PFKP: variants seen among roughly 807,000 people sequenced by gnomAD.
PFKP encodes the protein ATP-dependent 6-phosphofructokinase, platelet type.
A neutral mutation model predicts 94.3 loss-of-function variants in PFKP; 101 were observed. The observed-to-expected ratio is 1.07, with a 90% CI of 0.91 to 1.26. The LOEUF is 1.26. PFKP is among the 50% of genes most tolerant of loss of function. The pLI is 0.00. For missense variants in PFKP, 1,145 were observed against 1,103.3 expected, an observed-to-expected ratio of 1.04 and a Z score of -0.53; for synonymous variants, 573 against 432.6, an observed-to-expected ratio of 1.32 and a Z score of -4.03.
At chr10:3,073,742 G>A (rs76235260) in intron 1 of PFKP, among the ~76,000 whole-genome samples, 2 of 149,498 alleles carry the variant, frequency 1.3e-5, no homozygotes, top group Non-Finnish European at 1.5e-5. Context: ...AGGGTGGCAT[G>A]CAGTAGCCTC....
At chr10:3,110,695 C>T (rs74472027) in intron 10 of PFKP, among the ~76,000 whole-genome samples, 2,448 of 151,966 alleles carry the variant, frequency 0.016, 63 homozygotes, top group African/African-American at 0.056. Context: ...TGAGTGTGTG[C>T]GCAGGCTTGT....
chr10:3,094,774 G>T (rs1834344751), intron 2 of PFKP, among the ~76,000 whole-genome samples: 1 of 152,174 alleles, frequency 6.6e-6, no homozygotes. Context: ...CTGCATGCAT[G>T]CTCTGAATTC....
rs1834767002 is a variant in PFKP, at chr10:3,099,367, G to GC, written c.264+16dup. The GC allele has an allele frequency of 3.1e-6, 5 of 1,601,568 alleles. No homozygotes were observed. In the South Asian group the frequency reaches 4.4e-5, roughly 14 times the overall value. ...TCCTGCAAGTGGTAGGTACTGGGCTGCGTCCACAGGGTTCTCTGAGTTAGA... is the reference window on the plus strand; with the variant it reads ...TCCTGCAAGTGGTAGGTACTGGGCTGCCGTCCACAGGGTTCTCTGAGTTAGA... On this transcript the variant is annotated intron_variant, in intron 3 of 21. Transcript: ENST00000381125.
At chr10:3,070,082 G>A (rs1436880684) in intron 1 of PFKP, among the ~76,000 whole-genome samples, 1 of 152,234 alleles carries the variant, frequency 6.6e-6, no homozygotes, top group Non-Finnish European at 1.5e-5. Flanking sequence ...GAGCCCACAT[G>A]GGTCACACCT....
chr10:3,111,387 A>T (rs929028619), intron 10 of PFKP, among the ~76,000 whole-genome samples: 1 of 152,178 alleles, frequency 6.6e-6, no homozygotes, highest in African/African-American at 2.4e-5. Context: ...TGTGAGAGGC[A>T]GTAGGCTTAA....
rs76887485 is a variant in PFKP at position 3,136,537 on chromosome 10, G to A, written c.2313G>A (p.Ser771=). 2,478 of 1,613,558 alleles carry A rather than the reference G, an allele frequency of 1.5e-3. 15 individuals are homozygous for A. The highest frequency in any genetic ancestry group is 0.012 in the Admixed American group (730 of 59,966). The part of the protein sequence containing the change: ...LAKYKASYDV[S]DSGQLEHVQP... ...AGTACAAGGCCAGCTATGACGTGTC[G>A]GACTCAGGCCAGCTGGAACATGTGC... The change falls in exon 22 of 22, where the codon TCG becomes TCA. Residue 771 remains serine (S), a synonymous_variant. Coordinates refer to ENST00000381125, the MANE Select transcript of PFKP (RefSeq NM_002627.5).
At position 3,067,610 on chromosome 10, in the gene PFKP, C is replaced by T. The variant is rs1157664397; in HGVS notation, c.15C>T (p.Asp5=). 3 of 1,528,654 alleles carry T rather than the reference C, an allele frequency of 2.0e-6. No individual in the cohort carries two copies. The highest frequency in any genetic ancestry group is 1.8e-6 in the Non-Finnish European group (2 of 1,137,016). 94.7% of individuals were successfully genotyped at this position (1,528,654 alleles called of 1,614,324 possible). A position where few individuals can be genotyped will look rare whatever the true frequency, so the allele number is the denominator to read the frequency against. ...GCCTCCTCGCCATGGACGCGGACGACTCCCGGGCCCCCAAGGGCTCCTTGC... is the reference window on the plus strand; with the variant it reads ...GCCTCCTCGCCATGGACGCGGACGATTCCCGGGCCCCCAAGGGCTCCTTGC... MDAD[D]SRAPKGSLRK... is the part of the protein sequence containing the mutation. Residue 5 remains aspartate (D), a synonymous_variant, in exon 1 of 22, where the codon GAC becomes GAT. Coordinates refer to ENST00000381125, the MANE Select transcript of PFKP (RefSeq NM_002627.5).
chr10:3,105,089 C>T (rs1835403227), intron 5 of PFKP, 26 bp from the exon 6 acceptor site: 8 of 1,611,860 alleles, frequency 5.0e-6, no homozygotes, highest in East Asian at 2.2e-5. Flanking sequence ...GAGCTGTGTC[C>T]GGGGCTCCCT....
chr10:3,133,723 G>A (rs866998308), intron 19 of PFKP, among the ~76,000 whole-genome samples: 2 of 152,208 alleles, frequency 1.3e-5, no homozygotes, highest in Non-Finnish European at 2.9e-5. Context: ...GAGCCACTGT[G>A]CCCAGCCAAA....
intron 10 of PFKP, among the ~76,000 whole-genome samples, chr10:3,111,596 C>CT (rs761531782): frequency 9.9e-5 from 15 of 152,074 alleles, no homozygotes; most frequent in Non-Finnish European, 1.5e-4. Flanking sequence ...GTCTGACATG[C>CT]TTGAATAACC....
At chr10:3,092,903 A>G (rs112415079) in intron 2 of PFKP, among the ~76,000 whole-genome samples, 108 of 151,806 alleles carry the variant, frequency 7.1e-4, no homozygotes, top group Non-Finnish European at 7.4e-4. Flanking sequence ...AATCTGGAGG[A>G]TGCCTGAGCT....
chr10:3,132,810 T>A (rs989105497), intron 18 of PFKP, among the ~76,000 whole-genome samples: 4 of 152,116 alleles, frequency 2.6e-5, no homozygotes, highest in African/African-American at 9.7e-5. Flanking sequence ...TACACGAGGT[T>A]GCTTCCATCT....
intron 5 of PFKP, 31 bp downstream of exon 5, chr10:3,103,975 CA>C: frequency 6.2e-7 from 1 of 1,605,210 alleles, no homozygotes; most frequent in African/African-American, 1.3e-5. Context: ...GGCGGGAGGC[CA>C]GTGGGGCCCG....
At chr10:3,134,916 T>C (rs762266125) in intron 20 of PFKP, among the ~76,000 whole-genome samples, 1 of 152,240 alleles carries the variant, frequency 6.6e-6, no homozygotes, top group Admixed American at 6.5e-5. Context: ...TTTTGAATGT[T>C]TGCTAGGACA....
intron 16 of PFKP, 97 bp from the exon 17 acceptor site, chr10:3,129,722 T>G: frequency 7.8e-6 from 10 of 1,283,768 alleles, no homozygotes; most frequent in Non-Finnish European, 8.8e-6. Context: ...TTGGGCGCGG[T>G]GGGGGGGCCT....
intron 2 of PFKP, among the ~76,000 whole-genome samples, chr10:3,082,988 G>A (rs879497191): frequency 1.3e-5 from 2 of 152,182 alleles, no homozygotes; most frequent in African/African-American, 4.8e-5. Context: ...TGGTATTACA[G>A]GTGTGAGCCA....
chr10:3,113,337 CG>C, intron 12 of PFKP, 34 bp from the exon 13 acceptor site: 1 of 1,574,198 alleles, frequency 6.4e-7, no homozygotes, highest in Non-Finnish European at 8.7e-7. Context: ...CACGTGTGCC[CG>C]TGACCCAGCA....
In PFKP at chr10:3,103,762, G is replaced by GT; in HGVS notation, c.455-14dup. Reference sequence around the variant, plus strand: ...CATGGTTACGGCGATGAGACGTGCTGTTTGCTCCCCGCGCAGGCCAGATCG... The same window carrying GT: ...CATGGTTACGGCGATGAGACGTGCTGTTTTGCTCCCCGCGCAGGCCAGATCG... On this transcript the variant is annotated splice_polypyrimidine_tract_variant and intron_variant, in intron 4 of 21. Transcript: ENST00000381125. 6.2e-7 allele frequency: 1 copy of GT among 1,613,500 alleles called. No homozygotes were observed. The highest frequency in any genetic ancestry group is 8.5e-7 in the Non-Finnish European group (1 of 1,179,784).
chr10:3,071,859 G>C (rs1201666847), intron 1 of PFKP, among the ~76,000 whole-genome samples: 1 of 152,204 alleles, frequency 6.6e-6, no homozygotes, highest in East Asian at 1.9e-4. Context: ...ATGTGGCAGG[G>C]CCTCAGTGAT....
Sources: gnomAD v4.1 joint callset for allele counts (sites outside exome capture counted in the v4.1 genomes callset) on GRCh38, gnomAD v4.1.1 for gene constraint, MANE v1.5 for transcripts, NCBI Gene and HGNC (gene_info 2026-07-23, HGNC 2026-07-21) for gene names.